The following KIAA2012 variants were observed in gnomAD, a reference collection of about 807,000 sequenced individuals.
KIAA2012 encodes uncharacterized protein KIAA2012.
Under a neutral mutation model 150.6 loss-of-function variants are expected in KIAA2012, and 125 were observed. The observed-to-expected ratio is 0.83, with a 90% CI of 0.72 to 0.96. The LOEUF is 0.96. Ranked by LOEUF, KIAA2012 falls within the 40% of genes least tolerant of loss-of-function variation. The pLI, the probability that KIAA2012 is intolerant of heterozygous loss-of-function variation, is 0.00. For missense variants in KIAA2012, 1,219 were observed against 1,354.9 expected (o/e 0.90, Z 1.57); for synonymous variants, 462 against 504.7 (o/e 0.92, Z 1.13).
At chr2:202,179,655 TA>T in intron 15 of KIAA2012, 1 of 658,456 alleles carries the variant, frequency 1.5e-6, no homozygotes, top group Non-Finnish European at 2.9e-6. Flanking sequence ...TGCAAGAATA[TA>T]CTCAGTCAGG....
chr2:202,188,836 AC>A lies in KIAA2012; in HGVS notation c.2491+571del, dbSNP rs1210939492. Reference sequence around the variant, plus strand: ...CAAGTGTTGAATGATCCTCCAAGCTACGGTTTCTGTCTTGGTTCCCTATGTT... The same window carrying A: ...CAAGTGTTGAATGATCCTCCAAGCTAGGTTTCTGTCTTGGTTCCCTATGTT... On this transcript the variant is annotated intron_variant, in intron 18 of 23. Transcript: ENST00000498697. Among the ~76,000 whole-genome samples, 12 of 152,326 alleles carry A rather than the reference AC, an allele frequency of 7.9e-5. No individual in the cohort carries two copies. The East Asian group carries it at 2.1e-3, about 27-fold the overall frequency.
intron 16 of KIAA2012, among the ~76,000 whole-genome samples, chr2:202,186,074 G>A (rs749164591): frequency 6.6e-6 from 1 of 152,200 alleles, no homozygotes; most frequent in Non-Finnish European, 1.5e-5. Flanking sequence ...TGCAATCCAC[G>A]TGGCTGCTTT....
At position 202,176,217 on chromosome 2, in the gene KIAA2012, T is replaced by G. The variant is rs571864994; in HGVS notation, c.2120-8536T>G. ...TATTGATAAATCTTTTTTTTTTTTT[T>G]GGGACGGAGTCTCGCTCTATTGCCC... On this transcript the variant is annotated intron_variant, in intron 15 of 23. Transcript: ENST00000498697. Among the ~76,000 whole-genome samples the G allele has an allele frequency of 5.1e-4, 73 of 143,132 alleles. 1 individual carries two copies. Among genetic ancestry groups the G allele is most frequent in the East Asian group, 3.2e-3 (16 of 4,950 alleles). The allele number at this position is 143,132 out of a possible 152,430, so 93.9% of individuals were successfully genotyped here.
intron 13 of KIAA2012, among the ~76,000 whole-genome samples, chr2:202,141,490 CCT>C (rs1691196537): frequency 6.6e-6 from 1 of 152,160 alleles, no homozygotes; most frequent in Non-Finnish European, 1.5e-5. Flanking sequence ...GCTCCCATTT[CCT>C]CTTTCAAATG....
intron 17 of KIAA2012, among the ~76,000 whole-genome samples, chr2:202,187,586 C>T (rs575381983): frequency 8.0e-4 from 122 of 152,244 alleles, no homozygotes; most frequent in African/African-American, 2.8e-3. Flanking sequence ...GGATTACAGG[C>T]GTGAGCCACT....
At chr2:202,194,389 T>G (rs1186018371) in intron 21 of KIAA2012, 27 bp downstream of exon 21, 1 of 1,548,304 alleles carries the variant, frequency 6.5e-7, no homozygotes, top group Non-Finnish European at 8.7e-7. Context: ...GCTCTTTGCA[T>G]CTCTCTTCTA....
intron 21 of KIAA2012, among the ~76,000 whole-genome samples, chr2:202,196,186 C>CTTTTCTTTTTTTT (rs59455367): frequency 2.5e-5 from 2 of 79,702 alleles, no homozygotes; most frequent in African/African-American, 6.1e-5. Flanking sequence ...CTTTTCTTTT[C>CTTTTCTTTTTTTT]TTTTTTTTTT....
intron 11 of KIAA2012, among the ~76,000 whole-genome samples, chr2:202,119,663 T>G (rs914392179): frequency 6.6e-6 from 1 of 151,684 alleles, no homozygotes; most frequent in African/African-American, 2.4e-5. Flanking sequence ...GTTCTAGGAG[T>G]GGGGGTGGGG....
intron 7 of KIAA2012, among the ~76,000 whole-genome samples, chr2:202,101,522 C>A (rs1690044203): frequency 6.6e-6 from 1 of 152,202 alleles, no homozygotes; most frequent in Non-Finnish European, 1.5e-5. Flanking sequence ...CTTCCCTCAA[C>A]CCATGTATAT....
intron 14 of KIAA2012, among the ~76,000 whole-genome samples, chr2:202,162,254 T>G (rs1167218072): frequency 6.6e-6 from 1 of 152,044 alleles, no homozygotes; most frequent in Non-Finnish European, 1.5e-5. Flanking sequence ...TTATACACAT[T>G]GTTCAGAGTC....
At chr2:202,100,496 G>C in intron 7 of KIAA2012, 47 bp downstream of exon 7, 1 of 1,496,576 alleles carries the variant, frequency 6.7e-7, no homozygotes, top group Non-Finnish European at 9.0e-7. Context: ...AGAGAGAGGA[G>C]GGAAGAGAGA....
In KIAA2012 at chr2:202,100,320, C is replaced by T. The variant is rs1431220597; in HGVS notation, c.1026C>T (p.Asn342=). The T allele has an allele frequency of 9.0e-6, 14 of 1,550,070 alleles. No individual in the cohort carries two copies. The highest frequency in any genetic ancestry group is 2.4e-5 in the East Asian group (1 of 40,910). ...RKADLSDKQR[N]VKLHKARSSH... is the part of the protein sequence containing the mutation. ...CTGTTTTTAAAGATAAACAAAGGAA[C>T]GTGAAACTCCACAAGGCCAGAAGCA... Residue 342 remains asparagine, a synonymous_variant, in exon 7 of 24, where the codon AAC becomes AAT. Transcript: ENST00000498697.
At chr2:202,165,438 G>C in intron 15 of KIAA2012, 82 bp downstream of exon 15, 1 of 1,384,064 alleles carries the variant, frequency 7.2e-7, no homozygotes, top group Non-Finnish European at 1.0e-6. Flanking sequence ...ATGTTAATGG[G>C]AGGCCAGGCA....
At chr2:202,168,718 G>A (rs2105726269) in intron 15 of KIAA2012, among the ~76,000 whole-genome samples, 2 of 152,272 alleles carry the variant, frequency 1.3e-5, no homozygotes, top group African/African-American at 4.8e-5. Flanking sequence ...TGAAGTTACT[G>A]TGACATAACT....
chr2:202,175,631 C>T (rs1449766363), intron 15 of KIAA2012, among the ~76,000 whole-genome samples: 1 of 152,084 alleles, frequency 6.6e-6, no homozygotes. Flanking sequence ...TGAGACTTCC[C>T]CAGACACTGA....
At chr2:202,193,168 G>T in intron 19 of KIAA2012, 133 bp from the exon 20 acceptor site, 1 of 872,382 alleles carries the variant, frequency 1.1e-6, no homozygotes, top group Non-Finnish European at 1.8e-6. Flanking sequence ...AGTCTATGCA[G>T]CTGTGGGCAA....
chr2:202,124,779 T>C (rs16838867), intron 11 of KIAA2012, among the ~76,000 whole-genome samples: 4,734 of 152,190 alleles, frequency 0.031, 232 homozygotes, highest in African/African-American at 0.1. Flanking sequence ...TTCAAAAACA[T>C]CCAATTCAAG....
rs1325681844 is a variant in KIAA2012 at position 202,125,205 on chromosome 2, G to A, written c.1763-9G>A. On this transcript the variant is annotated splice_polypyrimidine_tract_variant and intron_variant, in intron 11 of 23. Transcript: ENST00000498697. ...CCGCTCTCAGGTAAAATATCTTACT[G>A]TTTTTCAGCCTATGAATCTGTCAAT... is the stretch of plus-strand genomic sequence containing the variant. 1 of 1,548,686 alleles carries A rather than the reference G, an allele frequency of 6.5e-7. No individual in the cohort carries two copies. The highest frequency in any genetic ancestry group is 8.7e-7 in the Non-Finnish European group (1 of 1,145,638).
intron 15 of KIAA2012, among the ~76,000 whole-genome samples, chr2:202,171,521 G>A (rs1179772987): frequency 6.6e-6 from 1 of 152,232 alleles, no homozygotes; most frequent in Non-Finnish European, 1.5e-5. Flanking sequence ...TCGCTGGTGA[G>A]CTCAAGACCC....
Sources: allele counts gnomAD v4.1 joint callset (sites outside exome capture counted in the v4.1 genomes callset), GRCh38; gene constraint gnomAD v4.1.1; transcripts MANE v1.5; gene names NCBI Gene and HGNC (gene_info 2026-07-23, HGNC 2026-07-21).